The following SNX29 variants were observed in gnomAD, a reference collection of about 807,000 sequenced individuals.
SNX29 encodes the protein sorting nexin-29.
In SNX29, 78 loss-of-function variants were observed where a neutral mutation model predicts 102.1. The observed-to-expected ratio is 0.76, with a 90% CI of 0.64 to 0.92. SNX29 has a LOEUF of 0.92. Among genes scored for constraint, SNX29 ranks in the 40% least tolerant of loss-of-function variants. SNX29 has a pLI of 0.00. For missense variants in SNX29, 1,280 were observed against 1,061.7 expected, an observed-to-expected ratio of 1.21 and a Z score of -2.86; for synonymous variants, 580 against 414.5, an observed-to-expected ratio of 1.40 and a Z score of -4.85.
At chr16:12,511,561 T>C (rs904820400) in intron 19 of SNX29, among the ~76,000 whole-genome samples, 1 of 152,206 alleles carries the variant, frequency 6.6e-6, no homozygotes, top group South Asian at 2.1e-4. Flanking sequence ...GTTCCTTTCC[T>C]GAAATAGAGA....
intron 18 of SNX29, among the ~76,000 whole-genome samples, chr16:12,465,450 C>T (rs1473933574): frequency 2.0e-5 from 3 of 151,896 alleles, no homozygotes; most frequent in African/African-American, 7.3e-5. Context: ...TTGCCCAGCA[C>T]CATTTATTGA....
chr16:12,170,912 G>A (rs2076135516), intron 13 of SNX29, among the ~76,000 whole-genome samples: 1 of 151,982 alleles, frequency 6.6e-6, no homozygotes, highest in Non-Finnish European at 1.5e-5. Context: ...AGGCCCTGAT[G>A]GCTGGAGAGA....
chr16:12,070,966 G>A (rs1486932452), intron 10 of SNX29, among the ~76,000 whole-genome samples: 2 of 152,056 alleles, frequency 1.3e-5, no homozygotes, highest in Non-Finnish European at 2.9e-5. Flanking sequence ...CTGCATAAAT[G>A]TCTTCTTTTG....
At chr16:12,222,161 A>G (rs944135543) in intron 14 of SNX29, among the ~76,000 whole-genome samples, 1 of 152,226 alleles carries the variant, frequency 6.6e-6, no homozygotes, top group African/African-American at 2.4e-5. Context: ...GCAGAAACAC[A>G]GAGAGCTTAA....
intron 18 of SNX29, among the ~76,000 whole-genome samples, chr16:12,466,092 C>T (rs1035954660): frequency 2.6e-5 from 4 of 152,116 alleles, no homozygotes; most frequent in Non-Finnish European, 4.4e-5. Flanking sequence ...AACAAAACAA[C>T]GATGTGTACT....
intron 19 of SNX29, among the ~76,000 whole-genome samples, chr16:12,486,734 G>T (rs1444239059): frequency 6.6e-6 from 1 of 152,212 alleles, no homozygotes; most frequent in Non-Finnish European, 1.5e-5. Context: ...GTGCCGTGGA[G>T]AGCAGGGGGC....
chr16:12,445,799 A>G (rs1215734519), intron 18 of SNX29, among the ~76,000 whole-genome samples: 8 of 152,112 alleles, frequency 5.3e-5, no homozygotes, highest in African/African-American at 1.7e-4. Context: ...TGCTTTACAG[A>G]TATTAACCAA....
intron 18 of SNX29, among the ~76,000 whole-genome samples, chr16:12,432,580 G>C (rs966135573): frequency 6.6e-6 from 1 of 152,198 alleles, no homozygotes; most frequent in Non-Finnish European, 1.5e-5. Context: ...GGAACAGCAC[G>C]CTATGTATAA....
intron 18 of SNX29, chr16:12,443,159 C>A (rs992465166): frequency 1.8e-5 from 7 of 392,380 alleles, no homozygotes; most frequent in African/African-American, 1.3e-4. Context: ...CCTGCGTGGG[C>A]TTTCTCTGTC....
At chr16:12,113,345 G>A (rs528700071) in intron 11 of SNX29, among the ~76,000 whole-genome samples, 3 of 152,236 alleles carry the variant, frequency 2.0e-5, no homozygotes, top group East Asian at 1.9e-4. Context: ...AGGTAGAGTC[G>A]CCGAGCCGGG....
chr16:12,334,921 T>TTTTTTTTTTTA (rs56233203), intron 15 of SNX29, among the ~76,000 whole-genome samples: 15 of 149,210 alleles, frequency 1.0e-4, no homozygotes, highest in African/African-American at 3.7e-4. Context: ...TTTTTTTTTT[T>TTTTTTTTTTTA]AAAAAGCAAC....
chr16:12,415,431 C>A (rs986600825), intron 18 of SNX29, among the ~76,000 whole-genome samples: 6 of 152,250 alleles, frequency 3.9e-5, no homozygotes, highest in Non-Finnish European at 7.3e-5. Flanking sequence ...TGGATGAGGC[C>A]TTGTAATTAC....
chr16:12,552,944 G>A (rs1027514103), intron 20 of SNX29, among the ~76,000 whole-genome samples: 1 of 152,246 alleles, frequency 6.6e-6, no homozygotes, highest in South Asian at 2.1e-4. Context: ...TATATGCCAC[G>A]TCATCAGGAA....
chr16:12,298,832 G>A (rs188412399), intron 15 of SNX29, among the ~76,000 whole-genome samples: 3 of 152,176 alleles, frequency 2.0e-5, no homozygotes, highest in Admixed American at 6.5e-5. Context: ...CACATGTGGC[G>A]TGATTCCTAT....
At chr16:12,481,706 T>C (rs2087944873) in intron 19 of SNX29, among the ~76,000 whole-genome samples, 1 of 152,100 alleles carries the variant, frequency 6.6e-6, no homozygotes, top group Non-Finnish European at 1.5e-5. Flanking sequence ...AGCTAATTTT[T>C]GTATTTTTAG....
rs1173517022 is a variant in SNX29 at position 12,242,026 on chromosome 16, G to A, written c.1679-35907G>A. ...CAAGGAGGTTGCCCAGCTCTGAGTG[G>A]CCAGGCCCAAGTCACATGCCACTCC... On this transcript the variant is annotated intron_variant, in intron 14 of 20. Transcript: ENST00000566228. Among the ~76,000 whole-genome samples the A allele has an allele frequency of 2.6e-5, 4 of 152,108 alleles. No homozygotes were observed. In the East Asian group the frequency reaches 7.7e-4, roughly 29 times the overall value.
At chr16:12,522,169 A>C (rs989559277) in intron 19 of SNX29, among the ~76,000 whole-genome samples, 1 of 152,220 alleles carries the variant, frequency 6.6e-6, no homozygotes, top group Non-Finnish European at 1.5e-5. Context: ...AGTTCAGATA[A>C]ACCAATAATT....
At chr16:12,409,931 C>A (rs1327312160) in intron 18 of SNX29, among the ~76,000 whole-genome samples, 1 of 152,196 alleles carries the variant, frequency 6.6e-6, no homozygotes, top group Non-Finnish European at 1.5e-5. Flanking sequence ...CGCAACAGAA[C>A]CGATTAGATC....
chr16:12,117,326 A>G (rs373717796), intron 11 of SNX29, among the ~76,000 whole-genome samples: 132 of 135,754 alleles, frequency 9.7e-4, no homozygotes, highest in Middle Eastern at 4.3e-3. Context: ...ACGTGCTTCA[A>G]TGCGGACGAA....
Sources: gnomAD v4.1 joint callset for allele counts (sites outside exome capture counted in the v4.1 genomes callset) on GRCh38, gnomAD v4.1.1 for gene constraint, MANE v1.5 for transcripts, NCBI Gene and HGNC (gene_info 2026-07-23, HGNC 2026-07-21) for gene names.